Variants in SLIT3 observed in about 807,000 individuals in gnomAD.
The protein encoded by SLIT3 is slit guidance ligand 3.
In SLIT3, 68 loss-of-function variants were observed where a neutral mutation model predicts 184.0. The observed-to-expected ratio is 0.37, with a 90% CI of 0.30 to 0.45. The LOEUF (loss-of-function observed/expected upper bound fraction) is 0.45, where lower values mean the gene tolerates loss of function less well. Among genes scored for constraint, SLIT3 ranks in the 20% least tolerant of loss-of-function variants. The probability of loss-of-function intolerance (pLI) is 1.00; values close to 1 mark genes in which losing one functional copy is unlikely to be tolerated. For synonymous variants in SLIT3, 831 were observed against 828.6 expected, an observed-to-expected ratio of 1.00 and a Z score of -0.05; for missense variants, 1,707 against 2,026.0, an observed-to-expected ratio of 0.84 and a Z score of 3.02.
At chr5:168,901,724 A>C (rs1198754100) in intron 4 of SLIT3, among the ~76,000 whole-genome samples, 1 of 152,204 alleles carries the variant, frequency 6.6e-6, no homozygotes, top group Admixed American at 6.5e-5. Context: ...ACTGTGTGGA[A>C]CACTCTGATC....
intron 28 of SLIT3, 117 bp from the exon 29 acceptor site, chr5:168,692,817 G>C (rs929961125): frequency 1.5e-6 from 1 of 689,494 alleles, no homozygotes; most frequent in Non-Finnish European, 2.6e-6. Context: ...CCAGCCCCTG[G>C]TCAGGTGGGC....
intron 4 of SLIT3, among the ~76,000 whole-genome samples, chr5:169,118,066 G>T (rs1760752147): frequency 6.6e-6 from 1 of 152,048 alleles, no homozygotes; most frequent in Non-Finnish European, 1.5e-5. Flanking sequence ...TAATCCCAGT[G>T]CTTTGGGAGG....
intron 2 of SLIT3, among the ~76,000 whole-genome samples, chr5:169,250,837 T>C (rs189360680): frequency 1.3e-5 from 2 of 152,336 alleles, no homozygotes; most frequent in East Asian, 1.9e-4. Context: ...GACTTAAGGA[T>C]TGATGAAAGT....
At chr5:169,116,992 T>C (rs1423645893) in intron 4 of SLIT3, among the ~76,000 whole-genome samples, 4 of 152,104 alleles carry the variant, frequency 2.6e-5, no homozygotes, top group Non-Finnish European at 4.4e-5. Context: ...CATCCCTCAT[T>C]CACTCCCACA....
intron 4 of SLIT3, among the ~76,000 whole-genome samples, chr5:169,175,779 C>A (rs1437235197): frequency 6.6e-6 from 1 of 152,156 alleles, no homozygotes; most frequent in African/African-American, 2.4e-5. Flanking sequence ...CCTTTCTTTC[C>A]TTCGCCTGTT....
chr5:169,193,417 T>A (rs1763626094), intron 4 of SLIT3, 62 bp downstream of exon 4: 2 of 1,399,824 alleles, frequency 1.4e-6, no homozygotes, highest in Non-Finnish European at 2.0e-6. Flanking sequence ...ACAAACCACA[T>A]CCTCCACATC....
intron 32 of SLIT3, among the ~76,000 whole-genome samples, chr5:168,683,719 T>C (rs1326969135): frequency 6.6e-6 from 1 of 152,200 alleles, no homozygotes; most frequent in Non-Finnish European, 1.5e-5. Context: ...TGCCTGTTTA[T>C]CTTATGGTGA....
At chr5:169,277,233 T>G (rs1315962086) in intron 1 of SLIT3, among the ~76,000 whole-genome samples, 1 of 152,188 alleles carries the variant, frequency 6.6e-6, no homozygotes, top group Admixed American at 6.5e-5. Flanking sequence ...CTTTCTTTTT[T>G]CTTTTCTTCT....
intron 23 of SLIT3, among the ~76,000 whole-genome samples, chr5:168,721,790 G>A (rs1467124856): frequency 6.6e-6 from 1 of 152,160 alleles, no homozygotes; most frequent in African/African-American, 2.4e-5. Flanking sequence ...GCTGGACGGG[G>A]GCCCTGGGTT....
chr5:168,830,819 C>G (rs1392206794), intron 6 of SLIT3, among the ~76,000 whole-genome samples: 3 of 152,228 alleles, frequency 2.0e-5, no homozygotes, highest in Non-Finnish European at 4.4e-5. Context: ...AAAACTGCCT[C>G]TTACAGGATT....
intron 4 of SLIT3, among the ~76,000 whole-genome samples, chr5:168,970,427 G>A (rs554620056): frequency 1.3e-5 from 2 of 151,898 alleles, no homozygotes; most frequent in African/African-American, 2.4e-5. Flanking sequence ...CCCCGCAGGC[G>A]GAGGTTGCAG....
intron 4 of SLIT3, among the ~76,000 whole-genome samples, chr5:169,037,410 C>T (rs1043936275): frequency 1.3e-5 from 2 of 152,162 alleles, no homozygotes; most frequent in Non-Finnish European, 1.5e-5. Context: ...GGAGAGAAAG[C>T]TACTTTCAGG....
chr5:168,779,990 A>G (rs927767720), intron 12 of SLIT3, among the ~76,000 whole-genome samples: 3 of 152,240 alleles, frequency 2.0e-5, no homozygotes, highest in African/African-American at 7.2e-5. Flanking sequence ...CCGCTCTTCA[A>G]TGAAGGTTGC....
chr5:169,043,315 C>A (rs934325384), intron 4 of SLIT3, among the ~76,000 whole-genome samples: 3 of 152,194 alleles, frequency 2.0e-5, no homozygotes, highest in South Asian at 2.1e-4. Flanking sequence ...GGTTGAGACA[C>A]ATTATAGTTT....
chr5:168,762,923 A>C (rs1755209783), intron 14 of SLIT3, among the ~76,000 whole-genome samples: 1 of 152,128 alleles, frequency 6.6e-6, no homozygotes, highest in African/African-American at 2.4e-5. Flanking sequence ...ATCCTCAGGA[A>C]GACCAGACTC....
At chr5:168,902,559 G>C (rs868130749) in intron 4 of SLIT3, among the ~76,000 whole-genome samples, 1 of 152,212 alleles carries the variant, frequency 6.6e-6, no homozygotes, top group African/African-American at 2.4e-5. Flanking sequence ...GACTGATGCA[G>C]CCGTTCTCAA....
At chr5:168,988,430 C>T (rs565636562) in intron 4 of SLIT3, among the ~76,000 whole-genome samples, 1 of 152,242 alleles carries the variant, frequency 6.6e-6, no homozygotes, top group Non-Finnish European at 1.5e-5. Flanking sequence ...AATGGTCTTG[C>T]CCAGGTCACA....
intron 4 of SLIT3, among the ~76,000 whole-genome samples, chr5:168,989,439 C>T (rs1295472526): frequency 1.3e-5 from 2 of 152,220 alleles, no homozygotes; most frequent in Non-Finnish European, 2.9e-5. Context: ...TTGCAGCAAA[C>T]TTTCAGGTGG....
intron 4 of SLIT3, among the ~76,000 whole-genome samples, chr5:168,997,404 T>C (rs962570241): frequency 6.6e-6 from 1 of 152,204 alleles, no homozygotes; most frequent in Middle Eastern, 3.4e-3. Flanking sequence ...GGGTTCTGGG[T>C]TTGTGGAATC....
Sources: allele counts gnomAD v4.1 joint callset (sites outside exome capture counted in the v4.1 genomes callset), GRCh38; gene constraint gnomAD v4.1.1; transcripts MANE v1.5; gene names NCBI Gene and HGNC (gene_info 2026-07-23, HGNC 2026-07-21).